Variants in FGFR2 observed in about 807,000 individuals in gnomAD.
FGFR2 encodes fibroblast growth factor receptor 2, also known as BEK fibroblast growth factor receptor.
A neutral mutation model predicts 95.9 loss-of-function variants in FGFR2; 19 were observed. That is an observed-to-expected ratio of 0.20 (90% CI 0.14 to 0.29). The LOEUF (loss-of-function observed/expected upper bound fraction) is 0.29. FGFR2 is among the 10% of genes least tolerant of loss of function. The pLI, the probability that FGFR2 is intolerant of heterozygous loss-of-function variation, is 1.00. For missense variants in FGFR2, 707 were observed against 1,056.9 expected (o/e 0.67, Z 4.59); for synonymous variants, 392 against 393.3 (o/e 1.00, Z 0.04).
At position 121,496,507 on chromosome 10, in the gene FGFR2, G is replaced by A. The variant is rs189157988; in HGVS notation, c.1863+25C>T. 533 of 1,612,186 alleles carry A rather than the reference G, an allele frequency of 3.3e-4. 1 individual carries two copies. In the African/African-American group the frequency reaches 5.1e-3, roughly 16 times the overall value. On this transcript the variant is annotated intron_variant, in intron 13 of 17. Coordinates refer to ENST00000358487, the MANE Select transcript of FGFR2 (RefSeq NM_000141.5). ...GACATTTTTAGTTGGATTCCACCCA[G>A]CCAAGTAGAATGTGAAAGACTCACT...
chr10:121,496,764 G>A (rs2133946988), intron 12 of FGFR2, 42 bp from the exon 13 acceptor site: 1 of 1,585,178 alleles, frequency 6.3e-7, no homozygotes, highest in Non-Finnish European at 8.6e-7. Context: ...GAGAATCCAG[G>A]GTCTCCCCTT....
rs117785498 is a variant in FGFR2 at position 121,491,149 on chromosome 10, A to G, written c.1864-3036T>C. Among the ~76,000 whole-genome samples the G allele has an allele frequency of 9.6e-4, 146 of 152,310 alleles. 1 individual carries two copies. The East Asian group carries it at 0.027, about 28-fold the overall frequency. On this transcript the variant is annotated intron_variant, in intron 13 of 17. Transcript: ENST00000358487. ...CTATGCATTAGGGCTCAGCTTGCACAGAGACACTGCTGACGGCTCCCTCCA... is the reference window on the plus strand; with the variant it reads ...CTATGCATTAGGGCTCAGCTTGCACGGAGACACTGCTGACGGCTCCCTCCA...
intron 9 of FGFR2, among the ~76,000 whole-genome samples, chr10:121,509,494 TTTTTTTTTTTTTTTTG>T (rs1848763841): frequency 9.2e-6 from 1 of 108,634 alleles, no homozygotes; most frequent in Admixed American, 1.0e-4. Context: ...TTTTTTTTTT[TTTTTTTTTTTTTTTTG>T]GTTTGAGACA....
intron 4 of FGFR2, among the ~76,000 whole-genome samples, chr10:121,557,850 A>C (rs1159905474): frequency 6.6e-6 from 1 of 152,222 alleles, no homozygotes; most frequent in Non-Finnish European, 1.5e-5. Context: ...TTGGAATCTC[A>C]GGCTAACTAC....
At chr10:121,582,794 G>C (rs1427642821) in intron 2 of FGFR2, among the ~76,000 whole-genome samples, 2 of 151,318 alleles carry the variant, frequency 1.3e-5, no homozygotes, top group African/African-American at 4.9e-5. Flanking sequence ...CACAAAAAAA[G>C]AAAAAAAAGA....
At chr10:121,491,646 G>T (rs1317891868) in intron 13 of FGFR2, among the ~76,000 whole-genome samples, 1 of 151,300 alleles carries the variant, frequency 6.6e-6, no homozygotes, top group African/African-American at 2.4e-5. Flanking sequence ...CAAGGCAGGC[G>T]GATCCCGAGG....
chr10:121,517,380 C>G lies in FGFR2; in HGVS notation c.1023G>C (p.Thr341=), dbSNP rs201648220. 6 of 1,614,192 alleles carry G rather than the reference C, an allele frequency of 3.7e-6. No homozygotes were observed. In the South Asian group the frequency reaches 6.6e-5, roughly 18 times the overall value. ...TCCCAATAGAATTACCCGCCAAGCACGTATATTCCCCAGCGTCCTCAAAAG... is the reference window on the plus strand; with the variant it reads ...TCCCAATAGAATTACCCGCCAAGCAGGTATATTCCCCAGCGTCCTCAAAAG... The part of the protein sequence containing the change: ...NVTFEDAGEY[T]CLAGNSIGIS... The change falls in exon 8 of 18, where the codon ACG becomes ACC. Residue 341 remains threonine (T), a synonymous_variant. Coordinates refer to ENST00000358487, the MANE Select transcript of FGFR2 (RefSeq NM_000141.5). This position sits in a 1 kb window ranked among gnomAD's most constrained non-coding sequence, Gnocchi z 4.7.
intron 17 of FGFR2, chr10:121,482,273 G>A (rs2133740873): frequency 2.6e-6 from 3 of 1,146,620 alleles, no homozygotes; most frequent in Non-Finnish European, 2.6e-6. Flanking sequence ...AAGAAAGTTG[G>A]TTTCTTCCCC....
At chr10:121,584,986 C>T (rs1447735300) in intron 2 of FGFR2, among the ~76,000 whole-genome samples, 3 of 151,780 alleles carry the variant, frequency 2.0e-5, no homozygotes, top group African/African-American at 7.3e-5. Context: ...CCACCCCAAC[C>T]GATTCCATAA....
chr10:121,545,588 G>A (rs1466528273), intron 5 of FGFR2, among the ~76,000 whole-genome samples: 1 of 152,144 alleles, frequency 6.6e-6, no homozygotes, highest in Non-Finnish European at 1.5e-5. Context: ...ACTGCTTGAT[G>A]TGGGATTAAA....
chr10:121,590,975 G>A (rs180763490), intron 2 of FGFR2, among the ~76,000 whole-genome samples: 5 of 151,816 alleles, frequency 3.3e-5, no homozygotes, highest in South Asian at 2.1e-4. Flanking sequence ...ACGCACGCAC[G>A]CACGCGCACT....
At chr10:121,519,930 A>G (rs530976931) in intron 7 of FGFR2, 49 bp downstream of exon 7, 1 of 1,590,452 alleles carries the variant, frequency 6.3e-7, no homozygotes, top group South Asian at 1.1e-5. Context: ...GGCCAAACCC[A>G]TGAAGGAGAC....
chr10:121,533,268 T>C (rs1455752813), intron 6 of FGFR2, among the ~76,000 whole-genome samples: 1 of 152,162 alleles, frequency 6.6e-6, no homozygotes, highest in Non-Finnish European at 1.5e-5. Context: ...CACATGCCTA[T>C]AATCCCAACT....
intron 9 of FGFR2, among the ~76,000 whole-genome samples, chr10:121,507,174 A>G (rs989298237): frequency 1.3e-5 from 2 of 152,250 alleles, no homozygotes; most frequent in African/African-American, 4.8e-5. Flanking sequence ...ACCAACTGCA[A>G]TAACATGGGA....
intron 2 of FGFR2, among the ~76,000 whole-genome samples, chr10:121,571,975 T>G (rs1209604829): frequency 2.0e-5 from 3 of 151,580 alleles, no homozygotes; most frequent in African/African-American, 7.3e-5. Flanking sequence ...ATTGACTGTT[T>G]TGATACTTTA....
At chr10:121,595,545 G>C (rs1863307189) in intron 1 of FGFR2, among the ~76,000 whole-genome samples, 3 of 152,194 alleles carry the variant, frequency 2.0e-5, no homozygotes, top group Non-Finnish European at 4.4e-5. Flanking sequence ...TAGCTTGAAA[G>C]ATTTTTCCTC....
intron 13 of FGFR2, among the ~76,000 whole-genome samples, chr10:121,494,423 G>T (rs1846514277): frequency 6.6e-6 from 1 of 152,034 alleles, no homozygotes; most frequent in Admixed American, 6.6e-5. Context: ...TTAATAAAAT[G>T]ACTGAGCCAG....
At chr10:121,568,773 A>G (rs1858089955) in intron 2 of FGFR2, among the ~76,000 whole-genome samples, 1 of 152,200 alleles carries the variant, frequency 6.6e-6, no homozygotes, top group Non-Finnish European at 1.5e-5. Context: ...ACCTAAAATC[A>G]GTAAACCCCA....
In FGFR2 at chr10:121,496,666, G is replaced by A. The variant is rs1846861203; in HGVS notation, c.1729C>T (p.Arg577Ter). ...TCCATCCCGGGTGGCCTCCGGGCTC[G>A]GAGGTATTCTCGGAGGTTGCCTTTA... ...ASKGNLREYLRARRPPGMEYS... is the reference protein window; with the variant it reads ...ASKGNLREYL Residue 577 changes from arginine to a stop codon, truncating the protein, a stop_gained, in exon 13 of 18, where the codon CGA becomes TGA. Coordinates refer to ENST00000358487, the MANE Select transcript of FGFR2 (RefSeq NM_000141.5). LOFTEE classifies it high-confidence loss of function. 1 of 1,612,404 alleles carries A rather than the reference G, an allele frequency of 6.2e-7. No homozygotes were observed. The highest frequency in any genetic ancestry group is 1.1e-5 in the South Asian group (1 of 91,008).
Sources: gnomAD v4.1 joint callset for allele counts (sites outside exome capture counted in the v4.1 genomes callset) on GRCh38, gnomAD v4.1.1 for gene constraint, Gnocchi (gnomAD v3.1) non-coding constraint, MANE v1.5 for transcripts, NCBI Gene and HGNC (gene_info 2026-07-23, HGNC 2026-07-21) for gene names.